Variants in CCSER1 observed in about 807,000 individuals in gnomAD.
The protein encoded by CCSER1 is coiled-coil serine rich protein 1.
In CCSER1, 41 loss-of-function variants were observed where a neutral mutation model predicts 82.0. The ratio of observed to expected loss-of-function variants is 0.50; its 90% confidence interval spans 0.39 to 0.65. The LOEUF (loss-of-function observed/expected upper bound fraction) is 0.65, where lower values mean the gene tolerates loss of function less well. Ranked by LOEUF, CCSER1 falls within the 30% of genes least tolerant of loss-of-function variation. The pLI, the probability that CCSER1 is intolerant of heterozygous loss-of-function variation, is 0.00. For synonymous variants in CCSER1, 414 were observed against 383.9 expected (o/e 1.08, Z -0.92); for missense variants, 1,119 against 1,064.2 (o/e 1.05, Z -0.72).
chr4:90,378,906 C>T (rs1462371614), intron 3 of CCSER1, among the ~76,000 whole-genome samples: 1 of 152,112 alleles, frequency 6.6e-6, no homozygotes, highest in Non-Finnish European at 1.5e-5. Flanking sequence ...TATATAGTAA[C>T]TCAGTTCTTG....
rs1451182221 is a variant in CCSER1, at chr4:91,011,274, G to A, written c.2173-74676G>A. On this transcript the variant is annotated intron_variant, in intron 9 of 10. Transcript: ENST00000509176. ...AGCATAGGTTATTAAGTTCCTTCGT[G>A]GCAAGGGCTGTTGGGGTCCTCCCAT... Among the ~76,000 whole-genome samples, 5 of 134,002 alleles carry A rather than the reference G, an allele frequency of 3.7e-5. 2 individuals are homozygous for A. Among genetic ancestry groups the A allele is most frequent in the Non-Finnish European group, 8.7e-5 (5 of 57,720 alleles). The allele number at this position is 134,002 out of a possible 152,430, so 87.9% of individuals were successfully genotyped here.
At chr4:91,390,544 T>C (rs1751583546) in intron 10 of CCSER1, among the ~76,000 whole-genome samples, 2 of 151,962 alleles carry the variant, frequency 1.3e-5, no homozygotes, top group South Asian at 4.1e-4. Flanking sequence ...GGTAAAATGC[T>C]GATCTCATGG....
intron 5 of CCSER1, among the ~76,000 whole-genome samples, chr4:90,609,642 A>G (rs1424939783): frequency 1.3e-5 from 2 of 152,308 alleles, no homozygotes; most frequent in Non-Finnish European, 2.9e-5. Context: ...TAGCACACAA[A>G]TGTTACCCAA....
Position 91,473,247 on chromosome 4 carries a change from T to C in CCSER1, c.2218-125325T>C, listed in dbSNP as rs1055412821. ...AAGATAACATAAAAGTCCATATGCTTTCAGAAAGTAATTTTCATTGTGGAA... is the reference window on the plus strand; with the variant it reads ...AAGATAACATAAAAGTCCATATGCTCTCAGAAAGTAATTTTCATTGTGGAA... On this transcript the variant is annotated intron_variant, in intron 10 of 10. Coordinates refer to ENST00000509176, the MANE Select transcript of CCSER1 (RefSeq NM_001145065.2). 2.0e-5 allele frequency among the ~76,000 whole-genome samples: 3 copies of C among 152,160 alleles called. No individual in the cohort carries two copies. The South Asian group carries it at 6.2e-4, about 31-fold the overall frequency.
intron 8 of CCSER1, among the ~76,000 whole-genome samples, chr4:90,859,153 C>T (rs528867429): frequency 1.3e-5 from 2 of 151,966 alleles, no homozygotes; most frequent in East Asian, 1.9e-4. Context: ...CCATTCTAGT[C>T]TTACTTCTGA....
chr4:90,336,743 G>A (rs747561554), intron 3 of CCSER1, among the ~76,000 whole-genome samples: 14 of 152,134 alleles, frequency 9.2e-5, no homozygotes, highest in East Asian at 1.9e-4. Context: ...ATGGTGGTGC[G>A]TGTATACTTT....
At chr4:91,530,687 T>A (rs1323382076) in intron 10 of CCSER1, among the ~76,000 whole-genome samples, 1 of 36,216 alleles carries the variant, frequency 2.8e-5, no homozygotes, top group African/African-American at 2.7e-4. Flanking sequence ...TTTCTTTCTT[T>A]TTTTTTTTTT....
chr4:91,168,635 C>G (rs982150742), intron 10 of CCSER1, among the ~76,000 whole-genome samples: 13 of 151,842 alleles, frequency 8.6e-5, no homozygotes, highest in Admixed American at 3.9e-4. Flanking sequence ...ACCTGCCCAT[C>G]TTCTGGGAAG....
Position 90,673,258 on chromosome 4 carries a change from G to A in CCSER1, c.1932+45026G>A, listed in dbSNP as rs193229506. 2.5e-3 allele frequency among the ~76,000 whole-genome samples: 386 copies of A among 151,966 alleles called. 4 individuals are homozygous for A. The highest frequency in any genetic ancestry group is 9.1e-3 in the African/African-American group (376 of 41,500). On this transcript the variant is annotated intron_variant, in intron 6 of 10. Coordinates refer to ENST00000509176, the MANE Select transcript of CCSER1 (RefSeq NM_001145065.2). ...TTCAACTATTATGGAACAGAGAAAGGCTCAACTATTAGTGCCATTATTTAT... is the reference window on the plus strand; with the variant it reads ...TTCAACTATTATGGAACAGAGAAAGACTCAACTATTAGTGCCATTATTTAT...
At chr4:90,584,698 A>C (rs1781796856) in intron 5 of CCSER1, among the ~76,000 whole-genome samples, 1 of 152,240 alleles carries the variant, frequency 6.6e-6, no homozygotes, top group African/African-American at 2.4e-5. Context: ...GCTTACTAGC[A>C]CACTTTTAAT....
intron 5 of CCSER1, among the ~76,000 whole-genome samples, chr4:90,544,970 A>G (rs1776587144): frequency 6.6e-6 from 1 of 151,954 alleles, no homozygotes; most frequent in African/African-American, 2.4e-5. Context: ...AATATTTCTG[A>G]AAAAAATAGT....
chr4:91,170,072 A>G (rs766981566), intron 10 of CCSER1, among the ~76,000 whole-genome samples: 1 of 152,206 alleles, frequency 6.6e-6, no homozygotes, highest in Non-Finnish European at 1.5e-5. Flanking sequence ...TAGGAAGCAG[A>G]CATAATGTCT....
At chr4:90,661,063 C>T (rs983365975) in intron 6 of CCSER1, among the ~76,000 whole-genome samples, 3 of 152,136 alleles carry the variant, frequency 2.0e-5, no homozygotes, top group South Asian at 2.1e-4. Flanking sequence ...AAGCAACATT[C>T]GCTTGGTTGT....
chr4:90,511,603 T>G (rs2153617656), intron 5 of CCSER1, among the ~76,000 whole-genome samples: 1 of 152,320 alleles, frequency 6.6e-6, no homozygotes, highest in East Asian at 1.9e-4. Flanking sequence ...TCTTGAGAGA[T>G]AATTCAGGTT....
intron 5 of CCSER1, among the ~76,000 whole-genome samples, chr4:90,594,494 G>A (rs372093208): frequency 9.2e-5 from 14 of 152,084 alleles, no homozygotes; most frequent in African/African-American, 2.9e-4. Context: ...GGGTTAATAT[G>A]CTTAGATACC....
chr4:90,910,939 A>T (rs1726242668), intron 8 of CCSER1, among the ~76,000 whole-genome samples: 2 of 152,220 alleles, frequency 1.3e-5, no homozygotes, highest in South Asian at 4.1e-4. Flanking sequence ...GTAAGTCTAA[A>T]TATTGAAGTT....
intron 5 of CCSER1, among the ~76,000 whole-genome samples, chr4:90,495,410 G>C (rs1768828937): frequency 6.6e-6 from 1 of 152,000 alleles, no homozygotes; most frequent in African/African-American, 2.4e-5. Flanking sequence ...TTAGACTTTT[G>C]CCTACTTACT....
At chr4:90,420,000 A>G (rs759213165) in intron 4 of CCSER1, among the ~76,000 whole-genome samples, 6 of 151,964 alleles carry the variant, frequency 3.9e-5, no homozygotes, top group Non-Finnish European at 5.9e-5. Context: ...ATATAAGGAT[A>G]GCTGTGCGAA....
chr4:90,151,764 G>GCACTCAGT (rs1365489668), intron 1 of CCSER1, among the ~76,000 whole-genome samples: 1 of 151,994 alleles, frequency 6.6e-6, no homozygotes, highest in Non-Finnish European at 1.5e-5. Flanking sequence ...CAGTTATTTA[G>GCACTCAGT]TATTAAACAA....
Sources: allele counts gnomAD v4.1 joint callset (sites outside exome capture counted in the v4.1 genomes callset), GRCh38; gene constraint gnomAD v4.1.1; transcripts MANE v1.5; gene names NCBI Gene and HGNC (gene_info 2026-07-23, HGNC 2026-07-21).